Variants in SNX30 observed in about 807,000 individuals in gnomAD.
The protein encoded by SNX30 is sorting nexin-30.
A neutral mutation model predicts 46.4 loss-of-function variants in SNX30; 24 were observed. The observed-to-expected ratio is 0.52, with a 90% CI of 0.37 to 0.73. The LOEUF (loss-of-function observed/expected upper bound fraction) is 0.73, where lower values mean the gene tolerates loss of function less well. SNX30 is among the 30% of genes least tolerant of loss of function. The pLI, the probability that SNX30 is intolerant of heterozygous loss-of-function variation, is 0.00. For synonymous variants in SNX30, 189 were observed against 211.5 expected (o/e 0.89, Z 0.92); for missense variants, 533 against 555.7 (o/e 0.96, Z 0.41).
chr9:112,832,651 A>G (rs990616403), intron 4 of SNX30, among the ~76,000 whole-genome samples: 2 of 149,156 alleles, frequency 1.3e-5, no homozygotes, highest in African/African-American at 4.9e-5. Flanking sequence ...GGGGAGGGAT[A>G]GCATTAGGAG....
chr9:112,864,371 C>T lies in SNX30; in HGVS notation c.1226C>T (p.Ala409Val). 6.2e-7 allele frequency: 1 copy of T among 1,614,200 alleles called. No individual in the cohort carries two copies. Among genetic ancestry groups the T allele is most frequent in the Non-Finnish European group, 8.5e-7 (1 of 1,180,032 alleles). ...QDFRQLLMGM[A>V]DKNIQYYEKC... Reference sequence around the variant, plus strand: ...TTCCGGCAGCTACTCATGGGGATGGCTGACAAGAACATCCAGTATTATGAG... The same window carrying T: ...TTCCGGCAGCTACTCATGGGGATGGTTGACAAGAACATCCAGTATTATGAG... The change falls in exon 8 of 9, where the codon GCT (alanine) becomes GTT (valine). Residue 409 changes from alanine to valine, a missense_variant. Transcript: ENST00000374232.
rs530735339 is a variant in SNX30 at position 112,872,273 on chromosome 9, G to C, written c.*3430G>C. Reference sequence around the variant, plus strand: ...GAAGTTCTGCTTTAGAGGAGGGCACGATGACCATGTGGCAGTCTGCAAGTG... The same window carrying C: ...GAAGTTCTGCTTTAGAGGAGGGCACCATGACCATGTGGCAGTCTGCAAGTG... On this transcript the variant is annotated 3_prime_UTR_variant, in exon 9 of 9. Transcript: ENST00000374232. 3 of 152,364 alleles carry C rather than the reference G, an allele frequency of 2.0e-5. No homozygotes were observed. The highest frequency in any genetic ancestry group is 6.5e-5 in the Admixed American group (1 of 15,306). The allele number at this position is 152,364 out of a possible 1,614,324, so 9.4% of individuals were successfully genotyped here.
intron 3 of SNX30, among the ~76,000 whole-genome samples, 176 bp from the exon 4 acceptor site, chr9:112,830,549 G>T (rs1056007408): frequency 3.3e-5 from 5 of 152,004 alleles, no homozygotes; most frequent in Non-Finnish European, 5.9e-5. Context: ...AATTGACAGG[G>T]TATTTACTCC....
At chr9:112,780,547 T>C (rs1329109527) in intron 1 of SNX30, among the ~76,000 whole-genome samples, 1 of 152,174 alleles carries the variant, frequency 6.6e-6, no homozygotes, top group Non-Finnish European at 1.5e-5. Context: ...CTGGAAGCTG[T>C]TTTCTTTGCA....
intron 2 of SNX30, among the ~76,000 whole-genome samples, chr9:112,806,938 G>C (rs541842178): frequency 6.6e-6 from 1 of 151,446 alleles, no homozygotes; most frequent in Non-Finnish European, 1.5e-5. Context: ...ACCATGTCTA[G>C]CTTACTCTTT....
Position 112,819,730 on chromosome 9 carries a change from G to A in SNX30, c.459+1915G>A, listed in dbSNP as rs540228943. 3.3e-5 allele frequency among the ~76,000 whole-genome samples: 5 copies of A among 152,262 alleles called. No homozygotes were observed. The East Asian group carries it at 9.6e-4, about 29-fold the overall frequency. ...TACTAGTCAGGAATTTTGTAGACTTGTCCCTCAGTTGACATTTGTCTGACG... is the reference window on the plus strand; with the variant it reads ...TACTAGTCAGGAATTTTGTAGACTTATCCCTCAGTTGACATTTGTCTGACG... On this transcript the variant is annotated intron_variant, in intron 3 of 8. Transcript: ENST00000374232.
At chr9:112,855,536 A>G (rs1300246956) in intron 7 of SNX30, among the ~76,000 whole-genome samples, 8 of 152,136 alleles carry the variant, frequency 5.3e-5, no homozygotes, top group African/African-American at 1.7e-4. Flanking sequence ...AAGTGGCCTC[A>G]TGTCTTCACA....
intron 8 of SNX30, among the ~76,000 whole-genome samples, chr9:112,865,738 T>C (rs966070115): frequency 2.1e-5 from 3 of 141,900 alleles, no homozygotes; most frequent in Non-Finnish European, 4.5e-5. Context: ...CATACACACA[T>C]GAGTGAGTGT....
chr9:112,828,904 C>A (rs1220217669), intron 3 of SNX30, among the ~76,000 whole-genome samples: 1 of 152,118 alleles, frequency 6.6e-6, no homozygotes, highest in Non-Finnish European at 1.5e-5. Flanking sequence ...ATGAAGCAGT[C>A]ACATCTCATT....
chr9:112,852,254 A>T (rs2031496065), intron 7 of SNX30, among the ~76,000 whole-genome samples: 2 of 6,350 alleles, frequency 3.1e-4, no homozygotes, highest in Admixed American at 2.1e-3. Context: ...ACCCTATCTT[A>T]AAAAAAAAAG....
intron 1 of SNX30, among the ~76,000 whole-genome samples, chr9:112,790,989 G>A (rs373157861): frequency 6.6e-6 from 1 of 152,098 alleles, no homozygotes; most frequent in African/African-American, 2.4e-5. Flanking sequence ...AGTGGACATG[G>A]CTTTGTGATT....
At chr9:112,857,795 A>AT (rs1564293902) in intron 7 of SNX30, among the ~76,000 whole-genome samples, 14,458 of 149,098 alleles carry the variant, frequency 0.097, 811 homozygotes, top group Non-Finnish European at 0.12. Context: ...CATCCATCCA[A>AT]CCATCCATCC....
intron 7 of SNX30, among the ~76,000 whole-genome samples, chr9:112,862,018 G>A (rs1273722218): frequency 2.0e-5 from 3 of 152,252 alleles, no homozygotes; most frequent in Non-Finnish European, 2.9e-5. Flanking sequence ...AGATTTGTCT[G>A]TTGAGACCCA....
rs1394734335 is a variant in SNX30, at chr9:112,750,805, G to A, written c.-197G>A. ...CCCGCGGCGGGCTCGGGCGCGGAGC[G>A]GGGGCGCGCGGCGCGGAGCGGAGCG... On this transcript the variant is annotated 5_prime_UTR_variant, in exon 1 of 9. Coordinates refer to ENST00000374232, the MANE Select transcript of SNX30 (RefSeq NM_001012994.2). The A allele has an allele frequency of 1.6e-5, 4 of 250,684 alleles. No homozygotes were observed. The highest frequency in any genetic ancestry group is 9.3e-5 in the African/African-American group (4 of 42,802). 15.5% of individuals were successfully genotyped at this position (250,684 alleles called of 1,614,324 possible).
At chr9:112,813,321 C>A (rs9299210) in intron 2 of SNX30, among the ~76,000 whole-genome samples, 122,105 of 151,620 alleles carry the variant, frequency 0.81, 49,057 homozygotes, top group South Asian at 0.86. Context: ...AACAAAAAAA[C>A]CACCAAAAAT....
At chr9:112,824,909 T>C (rs1840559120) in intron 3 of SNX30, among the ~76,000 whole-genome samples, 1 of 152,150 alleles carries the variant, frequency 6.6e-6, no homozygotes, top group Non-Finnish European at 1.5e-5. Context: ...CACCATTGAG[T>C]GTTGTACGAC....
At chr9:112,819,201 T>C (rs1372167209) in intron 3 of SNX30, among the ~76,000 whole-genome samples, 1 of 152,114 alleles carries the variant, frequency 6.6e-6, no homozygotes. Context: ...CCAGTCATTA[T>C]GAAATAAACA....
chr9:112,773,983 C>T (rs1326830244), intron 1 of SNX30, among the ~76,000 whole-genome samples: 2 of 152,184 alleles, frequency 1.3e-5, no homozygotes, highest in Non-Finnish European at 2.9e-5. Flanking sequence ...TCTATGTGAC[C>T]TGTTTGTCTT....
intron 3 of SNX30, among the ~76,000 whole-genome samples, chr9:112,823,564 A>G (rs1445611120): frequency 6.6e-6 from 1 of 152,226 alleles, no homozygotes; most frequent in Non-Finnish European, 1.5e-5. Context: ...ACATTGAATA[A>G]ACACTTGAGT....
Sources: gnomAD v4.1 joint callset for allele counts (sites outside exome capture counted in the v4.1 genomes callset) on GRCh38, gnomAD v4.1.1 for gene constraint, MANE v1.5 for transcripts, NCBI Gene and HGNC (gene_info 2026-07-23, HGNC 2026-07-21) for gene names.